REPS2: variants seen among roughly 807,000 people sequenced by gnomAD.
REPS2 encodes the protein ralBP1-associated Eps domain-containing protein 2.
REPS2 carries 23 observed loss-of-function variants against 53.6 expected under a neutral mutation model. That is an observed-to-expected ratio of 0.43 (90% confidence interval 0.31 to 0.61). REPS2 has a LOEUF of 0.61. Ranked by LOEUF, REPS2 falls within the 20% of genes least tolerant of loss-of-function variation. The pLI is 0.11. For missense variants in REPS2, 446 were observed against 534.9 expected, an observed-to-expected ratio of 0.83 and a Z score of 1.64; for synonymous variants, 238 against 218.6, an observed-to-expected ratio of 1.09 and a Z score of -0.78.
intron 11 of REPS2, among the ~76,000 whole-genome samples, chrX:17,073,898 C>T (rs2062344291): frequency 1.8e-5 from 2 of 108,497 alleles, no homozygotes; most frequent in Non-Finnish European, 3.8e-5. Context: ...TAGTGCTTGA[C>T]CAAAGGAAAA....
At chrX:17,129,087 C>T (rs761891117) in intron 14 of REPS2, among the ~76,000 whole-genome samples, 18 of 111,549 alleles carry the variant, frequency 1.6e-4, no homozygotes, top group African/African-American at 4.2e-4. Flanking sequence ...CCAAAACTGT[C>T]GGACAAAGCC....
intron 2 of REPS2, among the ~76,000 whole-genome samples, chrX:17,007,566 C>T (rs908737818): frequency 8.9e-6 from 1 of 112,045 alleles, no homozygotes; most frequent in African/African-American, 3.2e-5. Context: ...CCCAACACAA[C>T]ACCTGTTCCC....
intron 16 of REPS2, chrX:17,136,576 G>A (rs1045331588): frequency 4.5e-4 from 50 of 112,134 alleles, no homozygotes; most frequent in African/African-American, 1.6e-3. Flanking sequence ...CAGAGTAGAT[G>A]TCAGGGCATC....
chrX:17,150,832 TTCTC>T lies in REPS2; in HGVS notation c.*3353_*3356del, dbSNP rs1300352732. On this transcript the variant is annotated 3_prime_UTR_variant, in exon 18 of 18. Coordinates refer to ENST00000357277, the MANE Select transcript of REPS2 (RefSeq NM_004726.3). ...CTGATTTTATGGATTTTGAGTTAGA[TTCTC>T]TACCCTCTATCAATACTAAAAATAG... is the stretch of plus-strand genomic sequence containing the variant. 1.8e-5 allele frequency: 2 copies of T among 112,451 alleles called. No homozygotes were observed. 9.3% of individuals were successfully genotyped at this position (112,451 alleles called of 1,213,427 possible). A position where few individuals can be genotyped will look rare whatever the true frequency, so the allele number is the denominator to read the frequency against.
At chrX:17,055,295 G>T (rs2062053089) in intron 8 of REPS2, among the ~76,000 whole-genome samples, 1 of 55,960 alleles carries the variant, frequency 1.8e-5, no homozygotes, top group Non-Finnish European at 3.3e-5. Flanking sequence ...CTCCCATGTT[G>T]TAGGTTGCCT....
chrX:16,978,526 A>C (rs2060984257), intron 1 of REPS2: 1 of 734,922 alleles, frequency 1.4e-6, no homozygotes, highest in Admixed American at 9.6e-5. Flanking sequence ...TTGTTGAGCC[A>C]CTCCTGCTGA....
the REPS2 span, among the ~76,000 whole-genome samples, chrX:17,187,041 C>T: frequency 9.0e-6 from 1 of 111,479 alleles, no homozygotes; most frequent in Non-Finnish European, 1.9e-5. Flanking sequence ...TACAATTCAT[C>T]CATGTAACCA....
the REPS2 span, among the ~76,000 whole-genome samples, chrX:17,160,847 C>T: frequency 8.9e-6 from 1 of 112,002 alleles, no homozygotes; most frequent in South Asian, 3.7e-4. Flanking sequence ...CTTCCATTTC[C>T]TCTTTTTTAA....
At chrX:17,058,585 A>G (rs2062108176) in intron 8 of REPS2, among the ~76,000 whole-genome samples, 1 of 111,380 alleles carries the variant, frequency 9.0e-6, no homozygotes, top group African/African-American at 3.3e-5. Context: ...TGACCTGCTT[A>G]TTCAGTAGAG....
chrX:16,951,544 CACACACACACACACA>C (rs1358006580), intron 1 of REPS2, among the ~76,000 whole-genome samples: 9 of 42,351 alleles, frequency 2.1e-4, no homozygotes, highest in East Asian at 2.1e-3. Context: ...CACACACACA[CACACACACACACACA>C]CCCCCGCTAC....
downstream of REPS2, among the ~76,000 whole-genome samples, chrX:17,153,567 T>G (rs2063588188): frequency 8.9e-6 from 1 of 111,933 alleles, no homozygotes; most frequent in Admixed American, 9.5e-5. Flanking sequence ...GTCAGTGTTC[T>G]TTTGTTCAAA....
chrX:17,156,474 C>T (rs2063616254), downstream of REPS2, among the ~76,000 whole-genome samples: 1 of 109,182 alleles, frequency 9.2e-6, no homozygotes, highest in Non-Finnish European at 1.9e-5. Flanking sequence ...GAATGTAGAC[C>T]AACAAAATAT....
At chrX:16,963,712 C>T (rs562296260) in intron 1 of REPS2, among the ~76,000 whole-genome samples, 2 of 111,932 alleles carry the variant, frequency 1.8e-5, no homozygotes, top group African/African-American at 6.5e-5. Flanking sequence ...TCAGGGTGTG[C>T]AGCACAAGGT....
At chrX:16,997,425 C>G (rs1459306913) in intron 1 of REPS2, among the ~76,000 whole-genome samples, 1 of 112,219 alleles carries the variant, frequency 8.9e-6, no homozygotes, top group East Asian at 2.8e-4. Flanking sequence ...TTCCCTTGCC[C>G]TCTTCCCCTC....
intron 8 of REPS2, among the ~76,000 whole-genome samples, chrX:17,059,344 T>A (rs563792027): frequency 4.6e-5 from 5 of 108,457 alleles, no homozygotes; most frequent in South Asian, 8.2e-4. Context: ...TTTTTCCAAC[T>A]TTTTTCTAAT....
intron 13 of REPS2, among the ~76,000 whole-genome samples, chrX:17,088,675 G>GCCTCC (rs757185085): frequency 0.024 from 2,561 of 105,578 alleles, 89 homozygotes; most frequent in African/African-American, 0.086. Flanking sequence ...TGCAAGCTCT[G>GCCTCC]CAGGTTCACG....
At chrX:17,046,164 T>A (rs769408121) in intron 5 of REPS2, among the ~76,000 whole-genome samples, 2,750 of 107,263 alleles carry the variant, frequency 0.026, 94 homozygotes, top group African/African-American at 0.088. Context: ...TATTTATTTT[T>A]TTTTTTTTGA....
intron 14 of REPS2, among the ~76,000 whole-genome samples, chrX:17,127,786 G>T (rs1479586036): frequency 8.9e-6 from 1 of 111,876 alleles, no homozygotes; most frequent in East Asian, 2.8e-4. Flanking sequence ...TTTGGGTCAG[G>T]AACTTGGGAG....
intron 17 of REPS2, among the ~76,000 whole-genome samples, chrX:17,141,764 C>T (rs1437604696): frequency 8.9e-6 from 1 of 112,484 alleles, no homozygotes; most frequent in African/African-American, 3.2e-5. Context: ...ATGTTGTCCA[C>T]TTTTCTTTGT....
Sources: allele counts gnomAD v4.1 joint callset (sites outside exome capture counted in the v4.1 genomes callset), GRCh38; gene constraint gnomAD v4.1.1; transcripts MANE v1.5; gene names NCBI Gene and HGNC (gene_info 2026-07-23, HGNC 2026-07-21).